Variants in TRIML1 observed in about 807,000 individuals in gnomAD.
The protein encoded by TRIML1 is tripartite motif family like 1.
Under a neutral mutation model 32.3 loss-of-function variants are expected in TRIML1, and 34 were observed. The ratio of observed to expected loss-of-function variants is 1.05; its 90% confidence interval spans 0.80 to 1.40. TRIML1 has a LOEUF of 1.40. Among genes scored for constraint, TRIML1 ranks in the 40% most tolerant of loss-of-function variants. The pLI is 0.00. For missense variants in TRIML1, 595 were observed against 574.9 expected (o/e 1.03, Z -0.36); for synonymous variants, 244 against 226.6 (o/e 1.08, Z -0.69).
intron 5 of TRIML1, among the ~76,000 whole-genome samples, chr4:188,144,433 G>T (rs1333889861): frequency 6.7e-6 from 1 of 149,254 alleles, no homozygotes; most frequent in Non-Finnish European, 1.5e-5. Context: ...CGCGATCTCG[G>T]CTCACTGCAA....
chr4:188,139,596 A>C lies in TRIML1; in HGVS notation c.38A>C (p.Glu13Ala). 1.2e-6 allele frequency: 2 copies of C among 1,605,576 alleles called. No individual in the cohort carries two copies. Among genetic ancestry groups the C allele is most frequent in the Non-Finnish European group, 1.7e-6 (2 of 1,174,852 alleles). ...TADLMENLREELTCFICLDYF... is the reference protein window; with the variant it reads ...TADLMENLREALTCFICLDYF... ...GATCTGATGGAGAACCTCAGGGAGG[A>C]ACTCACCTGTTTCATCTGCTTAGAC... The change falls in exon 1 of 6, where the codon GAA (glutamate) becomes GCA (alanine). Residue 13 changes from glutamate to alanine, a missense_variant. Coordinates refer to ENST00000332517, the MANE Select transcript of TRIML1 (RefSeq NM_178556.5).
At chr4:188,145,266 C>T (rs913260370) in intron 5 of TRIML1, among the ~76,000 whole-genome samples, 6 of 150,716 alleles carry the variant, frequency 4.0e-5, no homozygotes, top group African/African-American at 1.2e-4. Flanking sequence ...GGTGAAACTG[C>T]GTCTCTGCTA....
chr4:188,137,980 A>T (rs1734714422), upstream of TRIML1, among the ~76,000 whole-genome samples: 1 of 147,040 alleles, frequency 6.8e-6, no homozygotes, highest in Non-Finnish European at 1.5e-5. Context: ...TGAAGCTGTG[A>T]CAAGTTAGTA....
At chr4:188,149,603 G>A (rs1239026961), downstream of TRIML1, among the ~76,000 whole-genome samples, 1 of 152,042 alleles carries the variant, frequency 6.6e-6, no homozygotes, top group African/African-American at 2.4e-5. Context: ...TCGAAGGCAG[G>A]GGAGCAAAGA....
chr4:188,141,581 T>C (rs1273993376), intron 2 of TRIML1, among the ~76,000 whole-genome samples: 2 of 152,190 alleles, frequency 1.3e-5, no homozygotes, highest in Admixed American at 6.6e-5. Flanking sequence ...ACACACATTT[T>C]TCATAATTTT....
rs187518674 is a variant in TRIML1 at position 188,140,962 on chromosome 4, A to G, written c.504+339A>G. Reference sequence around the variant, plus strand: ...TTTTAAAAAGAAATATCTCAAAAACATGGAGGGGAAAATGCAAATTAAAAA... The same window carrying G: ...TTTTAAAAAGAAATATCTCAAAAACGTGGAGGGGAAAATGCAAATTAAAAA... On this transcript the variant is annotated intron_variant, in intron 2 of 5. Transcript: ENST00000332517. 3.7e-3 allele frequency: 638 copies of G among 173,552 alleles called. 6 individuals are homozygous for G. The highest frequency in any genetic ancestry group is 0.012 in the South Asian group (64 of 5,482). The allele number at this position is 173,552 out of a possible 1,614,324, so 10.8% of individuals were successfully genotyped here.
At chr4:188,147,898 C>T (rs1237918795), downstream of TRIML1, among the ~76,000 whole-genome samples, 1 of 152,104 alleles carries the variant, frequency 6.6e-6, no homozygotes, top group Non-Finnish European at 1.5e-5. Context: ...TTTTCCTTCC[C>T]ATCCCATGAG....
chr4:188,138,068 C>T (rs906205452), upstream of TRIML1, among the ~76,000 whole-genome samples: 1 of 152,018 alleles, frequency 6.6e-6, no homozygotes, highest in Non-Finnish European at 1.5e-5. Flanking sequence ...TAGTATAACT[C>T]TTTGCTCTTA....
chr4:188,143,389 C>T (rs1282906988), intron 3 of TRIML1: 3 of 170,490 alleles, frequency 1.8e-5, no homozygotes, highest in African/African-American at 7.2e-5. Flanking sequence ...TGTGATCCAA[C>T]TCCAGCTTCA....
At chr4:188,143,802 G>C (rs1279230705) in intron 3 of TRIML1, 36 bp from the exon 4 acceptor site, 1 of 1,613,764 alleles carries the variant, frequency 6.2e-7, no homozygotes, top group Non-Finnish European at 8.5e-7. Flanking sequence ...TATGATCAAA[G>C]CGCACCATGC....
At chr4:188,138,799 G>A (rs1426546269), upstream of TRIML1, among the ~76,000 whole-genome samples, 1 of 151,982 alleles carries the variant, frequency 6.6e-6, no homozygotes, top group Non-Finnish European at 1.5e-5. Context: ...CTTCCAATTA[G>A]AATGTCATTT....
chr4:188,144,208 A>G (rs1379034863), intron 5 of TRIML1, 75 bp downstream of exon 5: 6 of 1,295,168 alleles, frequency 4.6e-6, no homozygotes, highest in Non-Finnish European at 6.5e-6. Context: ...AGTGTCAGAC[A>G]TTCACGATCT....
chr4:188,140,031 G>T, intron 1 of TRIML1, 65 bp downstream of exon 1: 1 of 1,499,836 alleles, frequency 6.7e-7, no homozygotes, highest in Non-Finnish European at 9.0e-7. Context: ...CTTTCCTGAC[G>T]TTTCCTAACG....
At chr4:188,137,537 G>A (rs1356859741), upstream of TRIML1, among the ~76,000 whole-genome samples, 14 of 149,346 alleles carry the variant, frequency 9.4e-5, no homozygotes, top group Admixed American at 6.7e-5. Flanking sequence ...GAGTGCAATG[G>A]CGTGATCTCA....
intron 5 of TRIML1, 43 bp from the exon 6 acceptor site, chr4:188,146,779 T>C (rs2111238508): frequency 7.5e-7 from 1 of 1,324,874 alleles, no homozygotes; most frequent in Non-Finnish European, 9.8e-7. Flanking sequence ...AAGAGGTTTT[T>C]CAAGCATGCC....
chr4:188,140,711 A>AG, intron 2 of TRIML1, 88 bp downstream of exon 2: 2 of 1,030,792 alleles, frequency 1.9e-6, no homozygotes, highest in Non-Finnish European at 2.9e-6. Context: ...GAAAAAAAAA[A>AG]GACAAATTTT....
chr4:188,149,552 C>G (rs1462489666), downstream of TRIML1, among the ~76,000 whole-genome samples: 1 of 152,154 alleles, frequency 6.6e-6, no homozygotes, highest in Non-Finnish European at 1.5e-5. Context: ...CCATCTGAAT[C>G]TGCTTTCTCT....
chr4:188,150,507 A>C (rs1735225327), downstream of TRIML1, among the ~76,000 whole-genome samples: 1 of 152,218 alleles, frequency 6.6e-6, no homozygotes, highest in Non-Finnish European at 1.5e-5. Context: ...AGCAAACAGC[A>C]ACCATTTGGA....
chr4:188,143,673 C>T, intron 3 of TRIML1, 165 bp from the exon 4 acceptor site: 1 of 782,574 alleles, frequency 1.3e-6, no homozygotes, highest in Admixed American at 2.0e-5. Context: ...CAGCACATCC[C>T]TGGAAGAAAC....
Sources: allele counts gnomAD v4.1 joint callset (sites outside exome capture counted in the v4.1 genomes callset), GRCh38; gene constraint gnomAD v4.1.1; transcripts MANE v1.5; gene names NCBI Gene and HGNC (gene_info 2026-07-23, HGNC 2026-07-21).